The following USH2A variants were observed in gnomAD, a reference collection of about 807,000 sequenced individuals.
USH2A encodes the protein Usher syndrome 2A (autosomal recessive, mild).
In USH2A, 443 loss-of-function variants were observed where a neutral mutation model predicts 538.9. The observed-to-expected ratio is 0.82, with a 90% CI of 0.76 to 0.89. The LOEUF is 0.89. USH2A is among the 40% of genes least tolerant of loss of function. The pLI is 0.00. For missense variants in USH2A, 6,633 were observed against 6,324.8 expected (o/e 1.05, Z -1.65); for synonymous variants, 2,413 against 2,273.5 (o/e 1.06, Z -1.75).
intron 55 of USH2A, among the ~76,000 whole-genome samples, chr1:215,771,579 C>CAAAAAAAAAAAAAAAAAAAAAAA (rs759067576): frequency 4.5e-5 from 2 of 43,988 alleles, no homozygotes; most frequent in African/African-American, 1.1e-4. Flanking sequence ...GACTCCGTCT[C>CAAAAAAAAAAAAAAAAAAAAAAA]AAAAAAAAAA....
chr1:215,647,794 A>G, intron 66 of USH2A, 64 bp from the exon 67 acceptor site: 1 of 1,572,272 alleles, frequency 6.4e-7, no homozygotes, highest in East Asian at 2.2e-5. Context: ...TCTCTCTTTT[A>G]AAACCAGTTC....
intron 47 of USH2A, among the ~76,000 whole-genome samples, chr1:215,833,892 G>A (rs1663399992): frequency 6.6e-6 from 1 of 151,986 alleles, no homozygotes. Flanking sequence ...CAAAAGATTT[G>A]GAGATACCAT....
intron 30 of USH2A, among the ~76,000 whole-genome samples, chr1:216,061,986 G>A (rs1406975493): frequency 6.6e-6 from 1 of 152,184 alleles, no homozygotes; most frequent in African/African-American, 2.4e-5. Context: ...TGCCCAGTAA[G>A]ATGATTTGAA....
chr1:216,394,401 A>C (rs914462234), intron 3 of USH2A, among the ~76,000 whole-genome samples: 3 of 152,156 alleles, frequency 2.0e-5, no homozygotes, highest in Non-Finnish European at 4.4e-5. Flanking sequence ...AAAGAGTAGC[A>C]CAAAGGAATA....
intron 11 of USH2A, among the ~76,000 whole-genome samples, chr1:216,269,432 C>T (rs2036535207): frequency 6.6e-6 from 1 of 152,040 alleles, no homozygotes; most frequent in South Asian, 2.1e-4. Context: ...TAAATTTTTC[C>T]TGTATAAATT....
intron 64 of USH2A, among the ~76,000 whole-genome samples, chr1:215,657,748 G>A (rs1024923093): frequency 2.6e-5 from 4 of 152,110 alleles, no homozygotes; most frequent in African/African-American, 7.2e-5. Context: ...GTTCAGAGAC[G>A]TGAAGCTACT....
intron 19 of USH2A, among the ~76,000 whole-genome samples, chr1:216,192,333 G>A (rs2034734651): frequency 6.6e-6 from 1 of 152,028 alleles, no homozygotes; most frequent in South Asian, 2.1e-4. Context: ...ATTGGACTTT[G>A]TTCTGCTACT....
chr1:216,010,349 C>T (rs1426113164), intron 32 of USH2A, among the ~76,000 whole-genome samples: 1 of 152,130 alleles, frequency 6.6e-6, no homozygotes, highest in African/African-American at 2.4e-5. Context: ...AGCCACGTCC[C>T]ATCTGTGCCG....
At chr1:216,128,803 A>C (rs560424428) in intron 21 of USH2A, among the ~76,000 whole-genome samples, 1 of 152,124 alleles carries the variant, frequency 6.6e-6, no homozygotes, top group South Asian at 2.1e-4. Flanking sequence ...AATTATTGTT[A>C]ATTATAGTCA....
chr1:216,025,055 A>G (rs184165822), intron 32 of USH2A, among the ~76,000 whole-genome samples: 54 of 152,044 alleles, frequency 3.6e-4, no homozygotes, highest in Non-Finnish European at 3.8e-4. Flanking sequence ...CAGTGAGGAT[A>G]ACAACATTTA....
intron 38 of USH2A, among the ~76,000 whole-genome samples, chr1:215,921,809 G>A (rs1320014728): frequency 6.6e-6 from 1 of 152,010 alleles, no homozygotes; most frequent in African/African-American, 2.4e-5. Flanking sequence ...GATAATAATA[G>A]CACTTGCCTT....
intron 22 of USH2A, among the ~76,000 whole-genome samples, chr1:216,089,421 A>G (rs2032240196): frequency 6.6e-6 from 1 of 152,114 alleles, no homozygotes; most frequent in South Asian, 2.1e-4. Flanking sequence ...TCTGATGAAT[A>G]TAGCTATTCA....
intron 16 of USH2A, among the ~76,000 whole-genome samples, chr1:216,204,755 A>G (rs2035075823): frequency 6.6e-6 from 1 of 152,174 alleles, no homozygotes. Flanking sequence ...GAAATAGAGT[A>G]ATAAACATGA....
chr1:215,980,368 ACT>A (rs1401357104), intron 35 of USH2A, among the ~76,000 whole-genome samples: 3 of 152,102 alleles, frequency 2.0e-5, no homozygotes, highest in Non-Finnish European at 4.4e-5. Context: ...AAGCATTCAG[ACT>A]CTACAGTGCA....
At chr1:215,717,003 A>C (rs950085792) in intron 61 of USH2A, among the ~76,000 whole-genome samples, 15 of 152,172 alleles carry the variant, frequency 9.9e-5, no homozygotes, top group African/African-American at 3.6e-4. Context: ...AGCCAGTTAC[A>C]TTACTTTCCA....
At chr1:216,000,911 C>G (rs974241399) in intron 32 of USH2A, among the ~76,000 whole-genome samples, 1 of 152,140 alleles carries the variant, frequency 6.6e-6, no homozygotes, top group African/African-American at 2.4e-5. Context: ...TATTTTAAAG[C>G]ATATTTGAAG....
At chr1:215,983,647 A>C (rs1667806790) in intron 35 of USH2A, among the ~76,000 whole-genome samples, 1 of 152,150 alleles carries the variant, frequency 6.6e-6, no homozygotes, top group Non-Finnish European at 1.5e-5. Context: ...ACACACAAAA[A>C]ACACCTCTCC....
intron 14 of USH2A, among the ~76,000 whole-genome samples, chr1:216,225,277 T>G (rs2035539452): frequency 6.6e-6 from 1 of 152,122 alleles, no homozygotes; most frequent in African/African-American, 2.4e-5. Flanking sequence ...GGAAAAACAT[T>G]AAAAAGAACC....
chr1:215,969,350 C>A (rs965181149), intron 36 of USH2A, among the ~76,000 whole-genome samples: 1 of 152,108 alleles, frequency 6.6e-6, no homozygotes, highest in African/African-American at 2.4e-5. Context: ...AGCTTTGTGG[C>A]ATTTGATTTC....
Sources: allele counts gnomAD v4.1 joint callset (sites outside exome capture counted in the v4.1 genomes callset), GRCh38; gene constraint gnomAD v4.1.1; transcripts MANE v1.5; gene names NCBI Gene and HGNC (gene_info 2026-07-23, HGNC 2026-07-21).